The following TSHZ1 variants were observed in gnomAD, a reference collection of about 807,000 sequenced individuals.
TSHZ1 encodes teashirt zinc finger homeobox 1, also known as teashirt homolog 1.
In TSHZ1, 12 loss-of-function variants were observed where a neutral mutation model predicts 67.1. The ratio of observed to expected loss-of-function variants is 0.18; its 90% CI spans 0.11 to 0.29. The LOEUF (loss-of-function observed/expected upper bound fraction) is 0.29. Ranked by LOEUF, TSHZ1 falls within the 10% of genes least tolerant of loss-of-function variation. The probability of loss-of-function intolerance (pLI) is 1.00; values close to 1 mark genes in which losing one functional copy is unlikely to be tolerated. For missense variants in TSHZ1, 1,305 were observed against 1,413.9 expected (o/e 0.92, Z 1.23); for synonymous variants, 632 against 622.4 (o/e 1.02, Z -0.23).
intron 1 of TSHZ1, among the ~76,000 whole-genome samples, chr18:75,265,651 C>T (rs1360788336): frequency 1.3e-5 from 2 of 152,220 alleles, no homozygotes; most frequent in South Asian, 2.1e-4. Context: ...AGATTCCCCA[C>T]ATAAAATTTA....
chr18:75,225,021 T>G (rs1020095657), intron 1 of TSHZ1, among the ~76,000 whole-genome samples: 2 of 152,154 alleles, frequency 1.3e-5, no homozygotes, highest in African/African-American at 4.8e-5. Context: ...CTGGTTGTAC[T>G]TAGAGAATTT....
chr18:75,275,188 CTG>C (rs2023601581), intron 1 of TSHZ1, among the ~76,000 whole-genome samples: 1 of 152,198 alleles, frequency 6.6e-6, no homozygotes, highest in African/African-American at 2.4e-5. Context: ...GAATAAGCTA[CTG>C]GCTTTTAAAA....
At chr18:75,232,522 T>C (rs1178834724) in intron 1 of TSHZ1, among the ~76,000 whole-genome samples, 1 of 152,254 alleles carries the variant, frequency 6.6e-6, no homozygotes, top group Non-Finnish European at 1.5e-5. Flanking sequence ...GAGATATATA[T>C]ATCTTATTTA....
chr18:75,285,487 A>G lies in TSHZ1; in HGVS notation c.80A>G (p.Asp27Gly). 1 of 1,511,358 alleles carries G rather than the reference A, an allele frequency of 6.6e-7. No homozygotes were observed. Among genetic ancestry groups the G allele is most frequent in the Non-Finnish European group, 8.9e-7 (1 of 1,128,344 alleles). The allele number at this position is 1,511,358 out of a possible 1,614,324, so 93.6% of individuals were successfully genotyped here. Reference protein sequence around the residue: ...PEEELKAAEIDEEHVEDDGLS... With the variant: ...PEEELKAAEIGEEHVEDDGLS... ...GAAGAATTGAAGGCAGCAGAAATAG[A>G]TGAAGAGCACGTGGAGGATGACGGG... The change falls in exon 2 of 2, where the codon GAT becomes GGT. Residue 27 changes from aspartate to glycine, a missense_variant. By Grantham distance (94) the Asp-to-Gly change is moderately conservative. Transcript: ENST00000580243.
Position 75,281,699 on chromosome 18 carries a change from G to A in TSHZ1, c.41-3749G>A, listed in dbSNP as rs1221332165. On this transcript the variant is annotated intron_variant, in intron 1 of 1. Coordinates refer to ENST00000580243, the MANE Select transcript of TSHZ1 (RefSeq NM_001308210.2). The surrounding 1 kb of genome is among the most constrained non-coding windows in gnomAD (Gnocchi z 5.3). ...ACCTGGGGATGCGGCAGCTCAGAAC[G>A]GGGAGCGGGTAGCGGTCACCGAGGG... Among the ~76,000 whole-genome samples the A allele has an allele frequency of 1.3e-5, 2 of 152,280 alleles. No individual in the cohort carries two copies. Among genetic ancestry groups the A allele is most frequent in the African/African-American group, 2.4e-5 (1 of 41,560 alleles).
chr18:75,267,550 G>C (rs550233326), intron 1 of TSHZ1, among the ~76,000 whole-genome samples: 1 of 152,216 alleles, frequency 6.6e-6, no homozygotes, highest in South Asian at 2.1e-4. Context: ...ATTAGGAGGA[G>C]ACATTAGGAG....
rs886528761 is a variant in TSHZ1, at chr18:75,287,989, T to C, written c.2582T>C (p.Val861Ala). 21 of 1,614,164 alleles carry C rather than the reference T, an allele frequency of 1.3e-5. No individual in the cohort carries two copies. The highest frequency in any genetic ancestry group is 1.6e-5 in the Non-Finnish European group (19 of 1,180,030). Residue 861 changes from valine to alanine, a missense_variant, in exon 2 of 2, where the codon GTT becomes GCT. This residue lies in a region of TSHZ1 where 909 missense variants were observed against 961.8 expected (regional missense o/e 0.95). Coordinates refer to ENST00000580243, the MANE Select transcript of TSHZ1 (RefSeq NM_001308210.2). The surrounding 1 kb of genome is among the most constrained non-coding windows in gnomAD (Gnocchi z 5.0). ...CCCAAGTCCTCCACGCCCTCCACAG[T>C]TTCAGAGAAGTCCGATGCTGATGGC... ...LTPKSSTPST[V>A]SEKSDADGSS...
chr18:75,250,344 G>A (rs976415269), intron 1 of TSHZ1, among the ~76,000 whole-genome samples: 1 of 152,146 alleles, frequency 6.6e-6, no homozygotes, highest in Non-Finnish European at 1.5e-5. Context: ...CCCGGCAGGA[G>A]CTTCTCCCCG....
intron 1 of TSHZ1, among the ~76,000 whole-genome samples, chr18:75,226,941 G>A (rs1182272250): frequency 3.9e-5 from 6 of 152,132 alleles, no homozygotes; most frequent in African/African-American, 1.4e-4. Flanking sequence ...CAACAGCTCC[G>A]AGGTCCTGCC....
At chr18:75,280,923 T>G in intron 1 of TSHZ1, 6 of 617,098 alleles carry the variant, frequency 9.7e-6, no homozygotes, top group Non-Finnish European at 1.2e-5. Flanking sequence ...GAGGGCCCAG[T>G]AGCTCACACC....
chr18:75,257,846 G>A (rs1171785325), intron 1 of TSHZ1, among the ~76,000 whole-genome samples: 3 of 152,196 alleles, frequency 2.0e-5, no homozygotes, highest in Non-Finnish European at 4.4e-5. Flanking sequence ...GAGCTTGGGT[G>A]CCTCATCTGC....
At chr18:75,251,163 A>G (rs1368865365) in intron 1 of TSHZ1, among the ~76,000 whole-genome samples, 1 of 152,248 alleles carries the variant, frequency 6.6e-6, no homozygotes, top group Non-Finnish European at 1.5e-5. Flanking sequence ...TTGAAATAAA[A>G]TTATGTGCAA....
intron 1 of TSHZ1, among the ~76,000 whole-genome samples, chr18:75,217,028 A>G (rs1021664456): frequency 2.0e-5 from 3 of 152,190 alleles, no homozygotes; most frequent in African/African-American, 7.2e-5. Context: ...GTTCCTGATC[A>G]ATGGCGCCTG....
At chr18:75,234,391 G>A (rs1469445393) in intron 1 of TSHZ1, among the ~76,000 whole-genome samples, 3 of 152,134 alleles carry the variant, frequency 2.0e-5, no homozygotes, top group Non-Finnish European at 4.4e-5. Flanking sequence ...CGATACTTTA[G>A]CTTTAGAAGT....
At chr18:75,278,887 G>A (rs990271152) in intron 1 of TSHZ1, among the ~76,000 whole-genome samples, 3 of 152,118 alleles carry the variant, frequency 2.0e-5, no homozygotes, top group Non-Finnish European at 4.4e-5. Context: ...AGGTGAGGCC[G>A]GCAGTCAGTC....
intron 1 of TSHZ1, among the ~76,000 whole-genome samples, chr18:75,245,989 G>T (rs9958564): frequency 1.3e-5 from 2 of 152,298 alleles, no homozygotes; most frequent in Non-Finnish European, 2.9e-5. Flanking sequence ...AATCAAATAA[G>T]TGCCAGGGGA....
chr18:75,234,221 G>A (rs2023037020), intron 1 of TSHZ1, among the ~76,000 whole-genome samples: 1 of 152,142 alleles, frequency 6.6e-6, no homozygotes, highest in Non-Finnish European at 1.5e-5. Context: ...GGGGCAGCCT[G>A]GGAGCCCTTT....
chr18:75,277,185 CACA>C (rs1219118396), intron 1 of TSHZ1, among the ~76,000 whole-genome samples: 1 of 152,208 alleles, frequency 6.6e-6, no homozygotes, highest in African/African-American at 2.4e-5. Context: ...GCACCATCTA[CACA>C]ACAATTAAGA....
chr18:75,216,071 T>A (rs1197730547), intron 1 of TSHZ1, among the ~76,000 whole-genome samples: 1 of 152,200 alleles, frequency 6.6e-6, no homozygotes, highest in Non-Finnish European at 1.5e-5. Context: ...GCCGCCTGCG[T>A]ATGCTTTCTG....
Sources: allele counts gnomAD v4.1 joint callset (sites outside exome capture counted in the v4.1 genomes callset), GRCh38; gene constraint gnomAD v4.1.1; regional missense constraint gnomAD v4.1.1; non-coding constraint Gnocchi (gnomAD v3.1); transcripts MANE v1.5; gene names NCBI Gene and HGNC (gene_info 2026-07-23, HGNC 2026-07-21).